The following PTPRD variants were observed in gnomAD, a reference collection of about 807,000 sequenced individuals.
PTPRD encodes the protein receptor-type tyrosine-protein phosphatase delta.
PTPRD carries 34 observed loss-of-function variants against 214.5 expected under a neutral mutation model. The observed-to-expected ratio is 0.16, with a 90% CI of 0.12 to 0.21. The LOEUF (loss-of-function observed/expected upper bound fraction) is 0.21, where lower values mean the gene tolerates loss of function less well. Among genes scored for constraint, PTPRD ranks in the 10% least tolerant of loss-of-function variants. PTPRD has a pLI of 1.00. For missense variants in PTPRD, 2,545 were observed against 2,398.7 expected, an observed-to-expected ratio of 1.06 and a Z score of -1.27; for synonymous variants, 1,128 against 845.7, an observed-to-expected ratio of 1.33 and a Z score of -5.79.
chr9:9,306,758 T>G (rs868248690), intron 9 of PTPRD, among the ~76,000 whole-genome samples: 1 of 152,250 alleles, frequency 6.6e-6, no homozygotes, highest in Non-Finnish European at 1.5e-5. Context: ...CTCTCATTTT[T>G]GGGGAGCCAA....
intron 4 of PTPRD, among the ~76,000 whole-genome samples, chr9:9,991,471 C>T (rs565806105): frequency 6.6e-6 from 1 of 151,992 alleles, no homozygotes; most frequent in South Asian, 2.1e-4. Context: ...AAGCAATTCT[C>T]CTGCCTCAGC....
intron 5 of PTPRD, among the ~76,000 whole-genome samples, chr9:9,816,758 T>C (rs2048903995): frequency 6.6e-6 from 1 of 151,972 alleles, no homozygotes; most frequent in Non-Finnish European, 1.5e-5. Flanking sequence ...ATAAAAGTCA[T>C]GCATAAGGTG....
chr9:8,749,420 T>G (rs1598652818), intron 11 of PTPRD, among the ~76,000 whole-genome samples: 1 of 152,206 alleles, frequency 6.6e-6, no homozygotes, highest in African/African-American at 2.4e-5. Context: ...ACTCCTGGCC[T>G]CAAACGATCC....
At chr9:8,815,232 C>T (rs2096897185) in intron 11 of PTPRD, among the ~76,000 whole-genome samples, 1 of 151,860 alleles carries the variant, frequency 6.6e-6, no homozygotes, top group African/African-American at 2.4e-5. Flanking sequence ...AAGCTGTTTC[C>T]CGTTCTTCAA....
At chr9:10,224,101 G>A (rs372940318) in intron 3 of PTPRD, among the ~76,000 whole-genome samples, 3 of 151,860 alleles carry the variant, frequency 2.0e-5, no homozygotes, top group Non-Finnish European at 4.4e-5. Context: ...AATTTCAGTT[G>A]CCTCTTGAGA....
intron 9 of PTPRD, among the ~76,000 whole-genome samples, chr9:9,316,235 C>CCT (rs767750686): frequency 2.7e-4 from 41 of 151,908 alleles, no homozygotes; most frequent in Non-Finnish European, 5.0e-4. Flanking sequence ...TCCCTCTCCT[C>CCT]CTCTCTCTCT....
intron 7 of PTPRD, among the ~76,000 whole-genome samples, chr9:9,655,918 C>A (rs1292189021): frequency 6.6e-6 from 1 of 152,048 alleles, no homozygotes; most frequent in Non-Finnish European, 1.5e-5. Flanking sequence ...ACGGAGGTTG[C>A]AGTGAACCGA....
chr9:10,257,683 A>C (rs1201223037), intron 3 of PTPRD, among the ~76,000 whole-genome samples: 1 of 152,130 alleles, frequency 6.6e-6, no homozygotes, highest in Non-Finnish European at 1.5e-5. Flanking sequence ...CCCCACCTGG[A>C]CCAGTCAGGC....
At chr9:9,943,610 G>C (rs2153974455) in intron 4 of PTPRD, among the ~76,000 whole-genome samples, 1 of 151,284 alleles carries the variant, frequency 6.6e-6, no homozygotes, top group East Asian at 2.0e-4. Flanking sequence ...AGAAGCTGTG[G>C]GTTTGTGGCT....
At chr9:9,045,264 G>C (rs762517368) in intron 10 of PTPRD, among the ~76,000 whole-genome samples, 4 of 152,084 alleles carry the variant, frequency 2.6e-5, no homozygotes, top group Non-Finnish European at 4.4e-5. Context: ...TTTCAAAAAG[G>C]CTTCAAGGGT....
intron 10 of PTPRD, among the ~76,000 whole-genome samples, chr9:9,136,499 A>G (rs962464505): frequency 2.0e-5 from 3 of 152,192 alleles, no homozygotes; most frequent in East Asian, 1.9e-4. Context: ...AACACCTCAA[A>G]TATAATCACT....
chr9:10,015,998 A>T (rs1046791024), intron 4 of PTPRD, among the ~76,000 whole-genome samples: 5 of 152,072 alleles, frequency 3.3e-5, no homozygotes. Context: ...ACTTGAATCG[A>T]CTTCTCCTGA....
At chr9:8,782,794 C>A (rs188826976) in intron 11 of PTPRD, among the ~76,000 whole-genome samples, 2,556 of 152,102 alleles carry the variant, frequency 0.017, 29 homozygotes, top group Non-Finnish European at 0.026. Flanking sequence ...CAGGGTTTCA[C>A]CATGTTGGTC....
At chr9:9,305,358 CA>C (rs1956803590) in intron 9 of PTPRD, among the ~76,000 whole-genome samples, 1 of 151,948 alleles carries the variant, frequency 6.6e-6, no homozygotes, top group Non-Finnish European at 1.5e-5. Flanking sequence ...CAGTAAAATT[CA>C]ATCAAATAAA....
chr9:9,377,742 G>A (rs958801184), intron 9 of PTPRD, among the ~76,000 whole-genome samples: 6 of 152,078 alleles, frequency 3.9e-5, no homozygotes, highest in African/African-American at 1.4e-4. Flanking sequence ...GAAACAAGGT[G>A]GGTGGTGGGG....
At chr9:9,521,961 G>A (rs557250679) in intron 8 of PTPRD, among the ~76,000 whole-genome samples, 47 of 151,822 alleles carry the variant, frequency 3.1e-4, no homozygotes, top group African/African-American at 1.1e-3. Flanking sequence ...AGTTTGAGAC[G>A]AGCCTGACCA....
intron 2 of PTPRD, among the ~76,000 whole-genome samples, chr9:10,500,432 T>C (rs916919114): frequency 1.3e-5 from 2 of 151,944 alleles, no homozygotes; most frequent in African/African-American, 2.4e-5. Context: ...TGTGAATACA[T>C]AGTAGGTATC....
intron 14 of PTPRD, among the ~76,000 whole-genome samples, chr9:8,587,053 G>C (rs963667568): frequency 6.6e-5 from 10 of 152,102 alleles, no homozygotes; most frequent in Non-Finnish European, 1.3e-4. Flanking sequence ...GGGAGGCTGA[G>C]GCAGGAGAAT....
At chr9:9,184,217 C>T (rs1008806119) in intron 9 of PTPRD, among the ~76,000 whole-genome samples, 1 of 152,036 alleles carries the variant, frequency 6.6e-6, no homozygotes, top group African/African-American at 2.4e-5. Flanking sequence ...CTGCATCTTT[C>T]CCTATCACAC....
Sources: allele counts gnomAD v4.1 joint callset (sites outside exome capture counted in the v4.1 genomes callset), GRCh38; gene constraint gnomAD v4.1.1; transcripts MANE v1.5; gene names NCBI Gene and HGNC (gene_info 2026-07-23, HGNC 2026-07-21).